Variants in PTPN9 observed in about 807,000 individuals in gnomAD.
PTPN9 encodes the protein protein tyrosine phosphatase non-receptor type 9, also known as tyrosine-protein phosphatase non-receptor type 9.
Under a neutral mutation model 69.8 loss-of-function variants are expected in PTPN9, and 26 were observed. The ratio of observed to expected loss-of-function variants is 0.37; its 90% CI spans 0.27 to 0.52. The LOEUF is 0.52. Ranked by LOEUF, PTPN9 falls within the 20% of genes least tolerant of loss-of-function variation. The pLI is 0.91. For synonymous variants in PTPN9, 274 were observed against 272.5 expected, an observed-to-expected ratio of 1.01 and a Z score of -0.05; for missense variants, 549 against 740.3, an observed-to-expected ratio of 0.74 and a Z score of 3.00.
intron 1 of PTPN9, among the ~76,000 whole-genome samples, chr15:75,572,630 G>A (rs1304052461): frequency 6.6e-6 from 1 of 152,026 alleles, no homozygotes; most frequent in Non-Finnish European, 1.5e-5. Context: ...CAGGAGAATC[G>A]CTTGAACCCA....
intron 1 of PTPN9, among the ~76,000 whole-genome samples, chr15:75,565,735 G>A (rs2075124171): frequency 6.6e-6 from 1 of 152,152 alleles, no homozygotes; most frequent in South Asian, 2.1e-4. Flanking sequence ...TAGGTCATCA[G>A]ATGACCTTTT....
At chr15:75,504,936 A>G (rs1210818061) in intron 7 of PTPN9, among the ~76,000 whole-genome samples, 125 of 151,840 alleles carry the variant, frequency 8.2e-4, no homozygotes, top group African/African-American at 2.9e-3. Flanking sequence ...CCCTCTGCCC[A>G]GCCACCACCT....
intron 9 of PTPN9, among the ~76,000 whole-genome samples, chr15:75,476,669 G>T (rs537956840): frequency 6.6e-6 from 1 of 152,310 alleles, no homozygotes; most frequent in African/African-American, 2.4e-5. Flanking sequence ...AAAGGTCTAG[G>T]AGGAGATGCT....
chr15:75,508,982 G>C lies in PTPN9; in HGVS notation c.574C>G (p.Pro192Ala). The change falls in exon 6 of 13, where the codon CCC becomes GCC. Residue 192 changes from proline (P) to alanine (A), a missense_variant. Pro to Ala is a conservative substitution (Grantham distance 27, BLOSUM62 -1). Coordinates refer to ENST00000618819, the MANE Select transcript of PTPN9 (RefSeq NM_002833.4). The part of the protein sequence containing the change: ...RLKKVLIVGA[P>A]IWFRVPYSII... ...GAATAGGGCACTCGGAACCATATGGGTGCCCCCACAATCAGCACCTTCTTC... is the reference window on the plus strand; with the variant it reads ...GAATAGGGCACTCGGAACCATATGGCTGCCCCCACAATCAGCACCTTCTTC... 3 of 1,614,104 alleles carry C rather than the reference G, an allele frequency of 1.9e-6. No homozygotes were observed. Among genetic ancestry groups the C allele is most frequent in the Non-Finnish European group, 2.5e-6 (3 of 1,179,986 alleles).
At chr15:75,474,746 G>A (rs1047985099) in intron 9 of PTPN9, among the ~76,000 whole-genome samples, 10 of 151,954 alleles carry the variant, frequency 6.6e-5, no homozygotes, top group African/African-American at 2.4e-4. Context: ...CTTCCTGCTC[G>A]ATTTCACTGA....
chr15:75,465,870 T>A lies in PTPN9; in HGVS notation c.*2899A>T, dbSNP rs1041532283. 2.0e-5 allele frequency: 3 copies of A among 152,246 alleles called. No individual in the cohort carries two copies. The highest frequency in any genetic ancestry group is 4.4e-5 in the Non-Finnish European group (3 of 68,054). 9.4% of individuals were successfully genotyped at this position (152,246 alleles called of 1,614,324 possible). On this transcript the variant is annotated 3_prime_UTR_variant, in exon 13 of 13. Transcript: ENST00000618819. ...GTTACCTCCTCCAGGCCGTTTATCA[T>A]TAATCCCATTTCTTACATGTTCCAC...
At chr15:75,476,349 CTGT>C (rs1210787213) in intron 9 of PTPN9, among the ~76,000 whole-genome samples, 1 of 152,070 alleles carries the variant, frequency 6.6e-6, no homozygotes, top group Non-Finnish European at 1.5e-5. Context: ...GAGTATCACT[CTGT>C]CGCCCAGGCT....
In PTPN9 at chr15:75,494,375, C is replaced by T. The variant is rs577071509; in HGVS notation, c.969-4074G>A. On this transcript the variant is annotated intron_variant, in intron 7 of 12. Coordinates refer to ENST00000618819, the MANE Select transcript of PTPN9 (RefSeq NM_002833.4). The stretch of plus-strand genomic sequence containing the variant: ...AATCTTTTTTTTTGCAGGGGGTGGA[C>T]AGAGTCTCGCTCTGTCCCCCAGACT... Among the ~76,000 whole-genome samples, 52 of 151,948 alleles carry T rather than the reference C, an allele frequency of 3.4e-4. No individual in the cohort carries two copies. The South Asian group carries it at 7.1e-3, about 21-fold the overall frequency.
chr15:75,512,741 A>G (rs1465550170), intron 5 of PTPN9: 4 of 253,980 alleles, frequency 1.6e-5, no homozygotes, highest in South Asian at 6.0e-5. Context: ...CTAGAAATAT[A>G]TATTTTTAAA....
At chr15:75,519,027 T>A (rs1043297963) in intron 4 of PTPN9, among the ~76,000 whole-genome samples, 4 of 152,182 alleles carry the variant, frequency 2.6e-5, no homozygotes, top group African/African-American at 9.7e-5. Flanking sequence ...TACTCACAGA[T>A]GACAGCAAGA....
At chr15:75,481,843 G>T (rs2074637279) in intron 8 of PTPN9, among the ~76,000 whole-genome samples, 1 of 140,244 alleles carries the variant, frequency 7.1e-6, no homozygotes, top group Admixed American at 7.2e-5. Context: ...GGGGGGGTCA[G>T]CGCCCCTGCC....
At chr15:75,508,832 A>G (rs1469487898) in intron 6 of PTPN9, 85 bp downstream of exon 6, 1 of 1,008,838 alleles carries the variant, frequency 9.9e-7, no homozygotes, top group Non-Finnish European at 1.5e-6. Flanking sequence ...ACACGCCAGG[A>G]GGATTTTTTG....
At chr15:75,490,369 G>T in intron 7 of PTPN9, 68 bp from the exon 8 acceptor site, 1 of 1,163,024 alleles carries the variant, frequency 8.6e-7, no homozygotes, top group South Asian at 1.2e-5. Flanking sequence ...TACAAAATCT[G>T]ACCATGCTAA....
chr15:75,507,570 A>G (rs2074826233), intron 6 of PTPN9, among the ~76,000 whole-genome samples: 1 of 151,958 alleles, frequency 6.6e-6, no homozygotes, highest in South Asian at 2.1e-4. Context: ...GATCAAGACC[A>G]TCCTGGCTAA....
chr15:75,505,320 C>A (rs1447154804), intron 7 of PTPN9, among the ~76,000 whole-genome samples: 1 of 149,646 alleles, frequency 6.7e-6, no homozygotes, highest in African/African-American at 2.5e-5. Flanking sequence ...ACAAACACTG[C>A]GGAAGGCCGC....
At chr15:75,547,336 C>T (rs1420648957) in intron 1 of PTPN9, among the ~76,000 whole-genome samples, 1 of 145,946 alleles carries the variant, frequency 6.9e-6, no homozygotes, top group Non-Finnish European at 1.5e-5. Context: ...CAGTGGCTCA[C>T]ACCGGTAATC....
intron 1 of PTPN9, among the ~76,000 whole-genome samples, chr15:75,568,556 T>G (rs1595972925): frequency 7.1e-6 from 1 of 141,828 alleles, no homozygotes; most frequent in South Asian, 2.2e-4. Flanking sequence ...TAATGCTGGA[T>G]GGACACAGTG....
rs189530066 is a variant in PTPN9, at chr15:75,554,184, G to A, written c.63+24530C>T. ...CAGGAGTATGCCACCATGCCCGGCT[G>A]AAAAAAGAAAAAAAAATTTTTTTTT... On this transcript the variant is annotated intron_variant, in intron 1 of 12. Coordinates refer to ENST00000618819, the MANE Select transcript of PTPN9 (RefSeq NM_002833.4). Among the ~76,000 whole-genome samples the A allele has an allele frequency of 2.9e-3, 405 of 141,182 alleles. 2 individuals are homozygous for A. The highest frequency in any genetic ancestry group is 0.01 in the African/African-American group (383 of 38,248). 92.6% of individuals were successfully genotyped at this position (141,182 alleles called of 152,430 possible).
intron 1 of PTPN9, among the ~76,000 whole-genome samples, chr15:75,563,232 A>T (rs1379124229): frequency 6.6e-6 from 1 of 152,018 alleles, no homozygotes; most frequent in East Asian, 1.9e-4. Context: ...TCTGCTGCCC[A>T]GTCTAGAGTG....
Sources: gnomAD v4.1 joint callset for allele counts (sites outside exome capture counted in the v4.1 genomes callset) on GRCh38, gnomAD v4.1.1 for gene constraint, MANE v1.5 for transcripts, NCBI Gene and HGNC (gene_info 2026-07-23, HGNC 2026-07-21) for gene names.